ALMS1: variants seen among roughly 807,000 people sequenced by gnomAD.
ALMS1 encodes the protein ALMS1 centrosome and basal body associated protein.
Under a neutral mutation model 352.2 loss-of-function variants are expected in ALMS1, and 271 were observed. The observed-to-expected ratio is 0.77, with a 90% CI of 0.70 to 0.85. The LOEUF is 0.85. Ranked by LOEUF, ALMS1 falls within the 40% of genes least tolerant of loss-of-function variation. The pLI is 0.00. For missense variants in ALMS1, 5,445 were observed against 4,870.7 expected (o/e 1.12, Z -3.51); for synonymous variants, 1,865 against 1,761.2 (o/e 1.06, Z -1.48).
At chr2:73,603,139 G>A (rs1268065096) in intron 20 of ALMS1, 102 bp from the exon 21 acceptor site, 7 of 1,083,990 alleles carry the variant, frequency 6.5e-6, no homozygotes, top group Non-Finnish European at 8.4e-6. Context: ...TGCCAGCTCA[G>A]GGTAGGGGCA....
At chr2:73,437,098 A>G (rs1184164558) in intron 7 of ALMS1, among the ~76,000 whole-genome samples, 1 of 152,178 alleles carries the variant, frequency 6.6e-6, no homozygotes, top group Non-Finnish European at 1.5e-5. Context: ...CTCACCACCA[A>G]GATCTCCATT....
chr2:73,388,249 C>T (rs1001353871), intron 1 of ALMS1, among the ~76,000 whole-genome samples: 1 of 152,090 alleles, frequency 6.6e-6, no homozygotes, highest in Non-Finnish European at 1.5e-5. Flanking sequence ...ATCTTGAAGC[C>T]TAGAGGAGGA....
At chr2:73,460,116 T>C (rs976879495) in intron 9 of ALMS1, among the ~76,000 whole-genome samples, 1 of 152,168 alleles carries the variant, frequency 6.6e-6, no homozygotes, top group Non-Finnish European at 1.5e-5. Context: ...ATCCTCCATA[T>C]ATTTACTTGT....
chr2:73,608,990 A>G (rs1425631566), intron 22 of ALMS1, among the ~76,000 whole-genome samples: 1 of 152,214 alleles, frequency 6.6e-6, no homozygotes, highest in African/African-American at 2.4e-5. Context: ...GTCCACTTGG[A>G]TGGTCAGAGG....
intron 11 of ALMS1, among the ~76,000 whole-genome samples, chr2:73,520,691 A>G (rs1049092186): frequency 7.9e-5 from 12 of 152,224 alleles, no homozygotes; most frequent in African/African-American, 2.9e-4. Flanking sequence ...GTGTTTTCCA[A>G]AATGAAGAAG....
At chr2:73,603,357 T>G in intron 21 of ALMS1, 53 bp downstream of exon 21, 3 of 1,552,306 alleles carry the variant, frequency 1.9e-6, no homozygotes, top group Non-Finnish European at 2.7e-6. Flanking sequence ...GGCCACCAAG[T>G]GGTCGGGAGC....
At chr2:73,515,882 A>T (rs371706582) in intron 10 of ALMS1, among the ~76,000 whole-genome samples, 2 of 152,074 alleles carry the variant, frequency 1.3e-5, no homozygotes. Context: ...TCCTGGAAAT[A>T]TACAATCTCC....
At chr2:73,550,246 T>C (rs778525122) in intron 12 of ALMS1, 21 bp from the exon 13 acceptor site, 1 of 1,613,864 alleles carries the variant, frequency 6.2e-7, no homozygotes, top group Non-Finnish European at 8.5e-7. Context: ...TGTTTTGTAT[T>C]ACTTCCCCGT....
In ALMS1 at chr2:73,419,239, T is replaced by C. The variant is rs754250279; in HGVS notation, c.567T>C (p.Ser189=). The C allele has an allele frequency of 1.1e-5, 18 of 1,613,852 alleles. No homozygotes were observed. In the Admixed American group the frequency reaches 3.0e-4, roughly 27 times the overall value. The change falls in exon 3 of 23, where the codon TCT becomes TCC. Residue 189 remains serine, a synonymous_variant. Transcript: ENST00000613296. ...TEDTEVTDFP[S]LEEGILTQSE... is the part of the protein sequence containing the mutation. ...ATACTGAAGTGACAGACTTCCCCTC[T>C]CTGGAGGAGGGCATATTGACGCAAT...
At position 73,572,349 on chromosome 2, in the gene ALMS1, C is replaced by A; in HGVS notation, c.10472C>A (p.Pro3491Gln). ...TACATTCATCATCCCGTACACCTAC[C>A]AAGTGATCAAGATATTTGCCATGAA... ...KFYIHHPVHL[P>Q]SDQDICHESL... Residue 3491 changes from proline (P) to glutamine (Q), a missense_variant, in exon 16 of 23, where the codon CCA (proline) becomes CAA (glutamine). Transcript: ENST00000613296. 3 of 1,608,034 alleles carry A rather than the reference C, an allele frequency of 1.9e-6. No homozygotes were observed. Among genetic ancestry groups the A allele is most frequent in the Non-Finnish European group, 2.5e-6 (3 of 1,177,562 alleles).
intron 12 of ALMS1, among the ~76,000 whole-genome samples, chr2:73,538,050 T>C (rs1307757189): frequency 6.6e-6 from 1 of 151,948 alleles, no homozygotes; most frequent in East Asian, 1.9e-4. Flanking sequence ...AAGAAAAATA[T>C]ATATGGGAGA....
chr2:73,577,237 T>C (rs1675072183), intron 16 of ALMS1, among the ~76,000 whole-genome samples: 1 of 152,186 alleles, frequency 6.6e-6, no homozygotes, highest in Non-Finnish European at 1.5e-5. Context: ...TGACGTTAAT[T>C]CTTTAAATGT....
At chr2:73,510,983 C>T (rs913662881) in intron 10 of ALMS1, among the ~76,000 whole-genome samples, 7 of 152,308 alleles carry the variant, frequency 4.6e-5, no homozygotes, top group African/African-American at 1.7e-4. Context: ...TTTGTTTACA[C>T]TGTGAGGGGA....
chr2:73,451,706 C>A lies in ALMS1; in HGVS notation c.5179C>A (p.Pro1727Thr). 6.2e-7 allele frequency: 1 copy of A among 1,614,034 alleles called. No homozygotes were observed. The highest frequency in any genetic ancestry group is 8.5e-7 in the Non-Finnish European group (1 of 1,180,000). The stretch of plus-strand genomic sequence containing the variant: ...CATTGTCTTCTACCAACAGGCCCTG[C>A]CAGACAGTGAGCTAACTCAAGAAGC... ...KPIVFYQQAL[P>T]DSELTQEALK... Residue 1727 changes from proline to threonine, a missense_variant, in exon 8 of 23, where the codon CCA becomes ACA. By Grantham distance (38) the Pro-to-Thr change is conservative (BLOSUM62 -1). Coordinates refer to ENST00000613296, the MANE Select transcript of ALMS1 (RefSeq NM_001378454.1).
At chr2:73,544,610 T>C (rs1674273104) in intron 12 of ALMS1, among the ~76,000 whole-genome samples, 1 of 152,206 alleles carries the variant, frequency 6.6e-6, no homozygotes, top group African/African-American at 2.4e-5. Flanking sequence ...CTGGTGGGAA[T>C]GTAAAATGGT....
In ALMS1 at chr2:73,385,932, G is replaced by A. The variant is rs1574423734; in HGVS notation, c.64G>A (p.Glu22Lys). The change falls in exon 1 of 23, where the codon GAG becomes AAG. Residue 22 changes from glutamate to lysine, a missense_variant. Transcript: ENST00000613296. ...GGAGGAGGAGGAGGAGGAGGAGGAG[G>A]AGGAGGAGGAAGAGGAGGAGGCTGC... ...LEEEEEEEEE[E>K]EEEEEEAAAA... 3.6e-6 allele frequency: 4 copies of A among 1,096,270 alleles called. No homozygotes were observed. Among genetic ancestry groups the A allele is most frequent in the Non-Finnish European group, 5.4e-6 (4 of 736,420 alleles). The allele number at this position is 1,096,270 out of a possible 1,614,324, so 67.9% of individuals were successfully genotyped here. A position where few individuals can be genotyped will look rare whatever the true frequency, so the allele number is the denominator to read the frequency against.
At chr2:73,533,108 A>C (rs971653978) in intron 11 of ALMS1, among the ~76,000 whole-genome samples, 1 of 152,188 alleles carries the variant, frequency 6.6e-6, no homozygotes, top group Non-Finnish European at 1.5e-5. Context: ...TTGCAAGAGA[A>C]AGGTCTGTTT....
intron 3 of ALMS1, among the ~76,000 whole-genome samples, chr2:73,421,948 C>T (rs1034054597): frequency 6.6e-6 from 1 of 152,040 alleles, no homozygotes; most frequent in African/African-American, 2.4e-5. Flanking sequence ...CAGGAAATCA[C>T]AAGAATTTTT....
intron 11 of ALMS1, among the ~76,000 whole-genome samples, chr2:73,525,000 C>A (rs559275222): frequency 6.6e-6 from 1 of 152,228 alleles, no homozygotes; most frequent in South Asian, 2.1e-4. Flanking sequence ...AGTTTCTGTT[C>A]CTATGCCTGG....
Sources: allele counts gnomAD v4.1 joint callset (sites outside exome capture counted in the v4.1 genomes callset), GRCh38; gene constraint gnomAD v4.1.1; transcripts MANE v1.5; gene names NCBI Gene and HGNC (gene_info 2026-07-23, HGNC 2026-07-21).